Variants in CHLSN observed in about 807,000 individuals in gnomAD.
CHLSN encodes the protein protein cholesin.
chr7:1,098,246 G>A, the CHLSN span, among the ~76,000 whole-genome samples: 6 of 152,286 alleles, frequency 3.9e-5, no homozygotes, highest in South Asian at 2.1e-4. Flanking sequence ...AAATGCACAG[G>A]ACAAACGTTA....
chr7:1,058,058 G>A, the CHLSN span: 1 of 768,114 alleles, frequency 1.3e-6, no homozygotes, highest in East Asian at 2.4e-5. Flanking sequence ...GCGCCAAGAT[G>A]CAGAACGCAG....
chr7:1,012,953 C>T, the CHLSN span, among the ~76,000 whole-genome samples: 39 of 152,382 alleles, frequency 2.6e-4, no homozygotes, highest in Non-Finnish European at 4.1e-4. Context: ...TGGGATGACA[C>T]AGGCGGGCCC....
the CHLSN span, among the ~76,000 whole-genome samples, chr7:1,117,751 T>C: frequency 7.1e-6 from 1 of 141,110 alleles, no homozygotes. Context: ...TCACTATAGC[T>C]CTAGGACCGG....
chr7:1,119,227 A>G, the CHLSN span, among the ~76,000 whole-genome samples: 1 of 152,240 alleles, frequency 6.6e-6, no homozygotes, highest in South Asian at 2.1e-4. Context: ...ATTCACATGC[A>G]GAAGAATGAA....
chr7:1,011,713 C>G, the CHLSN span, among the ~76,000 whole-genome samples: 1 of 151,760 alleles, frequency 6.6e-6, no homozygotes, highest in Non-Finnish European at 1.5e-5. Flanking sequence ...CCCACAGATA[C>G]CCACACACGC....
the CHLSN span, among the ~76,000 whole-genome samples, chr7:1,135,480 T>C: frequency 6.6e-6 from 1 of 151,958 alleles, no homozygotes; most frequent in Non-Finnish European, 1.5e-5. Context: ...TATATGTATG[T>C]GTATGGCCGG....
the CHLSN span, chr7:1,092,721 C>T: frequency 6.2e-7 from 1 of 1,613,494 alleles, no homozygotes; most frequent in East Asian, 2.2e-5. Context: ...GGGAGACCTT[C>T]AGGGACAAGC....
the CHLSN span, among the ~76,000 whole-genome samples, chr7:987,770 G>C: frequency 2.7e-3 from 405 of 152,074 alleles, 2 homozygotes; most frequent in African/African-American, 9.1e-3. Flanking sequence ...GGTCCCCTCC[G>C]TGTGTCCTGT....
chr7:985,762 A>T, the CHLSN span, among the ~76,000 whole-genome samples: 1 of 152,182 alleles, frequency 6.6e-6, no homozygotes, highest in Non-Finnish European at 1.5e-5. Flanking sequence ...TTCAAAATGT[A>T]AAGATCCCCT....
At chr7:1,075,858 C>T in the CHLSN span, 2 of 151,972 alleles carry the variant, frequency 1.3e-5, no homozygotes, top group African/African-American at 4.8e-5. Context: ...CCTCAGCCTC[C>T]CAAAGTTCTG....
At chr7:1,117,458 G>C in the CHLSN span, among the ~76,000 whole-genome samples, 3 of 133,570 alleles carry the variant, frequency 2.2e-5, no homozygotes, top group African/African-American at 3.2e-5. Flanking sequence ...CACGCAGGAT[G>C]ATGACATCAC....
At chr7:1,096,048 C>G in the CHLSN span, among the ~76,000 whole-genome samples, 161 of 152,342 alleles carry the variant, frequency 1.1e-3, no homozygotes, top group African/African-American at 3.7e-3. The surrounding 1 kb of genome is among the most constrained non-coding windows in gnomAD (Gnocchi z 4.6). Flanking sequence ...ACTCATTCCT[C>G]CACGTCAACC....
chr7:1,073,378 C>T, the CHLSN span, among the ~76,000 whole-genome samples: 199 of 152,224 alleles, frequency 1.3e-3, no homozygotes, highest in Non-Finnish European at 2.1e-3. Flanking sequence ...CTACTCCCCG[C>T]GCAGGCAGCT....
the CHLSN span, among the ~76,000 whole-genome samples, chr7:1,131,382 G>A: frequency 6.6e-6 from 1 of 152,080 alleles, no homozygotes; most frequent in African/African-American, 2.4e-5. Context: ...GCCAGGTGAG[G>A]CCAGAAACCA....
the CHLSN span, among the ~76,000 whole-genome samples, chr7:1,136,473 A>AAC: frequency 6.3e-4 from 69 of 109,570 alleles, no homozygotes; most frequent in African/African-American, 2.7e-3. Context: ...AACATATATA[A>AAC]ATATATAAAC....
chr7:1,072,856 G>A, the CHLSN span, among the ~76,000 whole-genome samples: 1 of 151,886 alleles, frequency 6.6e-6, no homozygotes, highest in Non-Finnish European at 1.5e-5. Flanking sequence ...GCTAATTTTT[G>A]TATTTTTAGT....
At chr7:1,051,076 G>A in the CHLSN span, among the ~76,000 whole-genome samples, 54 of 152,324 alleles carry the variant, frequency 3.5e-4, no homozygotes, top group East Asian at 5.4e-3. Context: ...CCACCCCTGC[G>A]TCGCAGAGGG....
the CHLSN span, among the ~76,000 whole-genome samples, chr7:1,006,302 A>G: frequency 6.6e-6 from 1 of 152,198 alleles, no homozygotes; most frequent in Non-Finnish European, 1.5e-5. Flanking sequence ...ACAGGGAAAG[A>G]GCACACGACG....
chr7:1,057,581 G>A, the CHLSN span: 1 of 772,214 alleles, frequency 1.3e-6, no homozygotes, highest in South Asian at 1.4e-5. Context: ...GCCAGGACCT[G>A]CAGCTGGGGC....
Sources: gnomAD v4.1 joint callset for allele counts (sites outside exome capture counted in the v4.1 genomes callset) on GRCh38, gnomAD v4.1.1 for gene constraint, Gnocchi (gnomAD v3.1) non-coding constraint, MANE v1.5 for transcripts, NCBI Gene and HGNC (gene_info 2026-07-23, HGNC 2026-07-21) for gene names.